TOLLIP: variants seen among roughly 807,000 people sequenced by gnomAD.
TOLLIP encodes the protein toll-interacting protein.
In TOLLIP, 16 loss-of-function variants were observed where a neutral mutation model predicts 33.5. That is an observed-to-expected ratio of 0.48 (90% CI 0.32 to 0.72). TOLLIP has a LOEUF of 0.72. Among genes scored for constraint, TOLLIP ranks in the 30% least tolerant of loss-of-function variants. The probability of loss-of-function intolerance (pLI) is 0.03; values close to 1 mark genes in which losing one functional copy is unlikely to be tolerated. For synonymous variants in TOLLIP, 176 were observed against 163.7 expected (o/e 1.07, Z -0.57); for missense variants, 325 against 396.6 (o/e 0.82, Z 1.53).
intron 4 of TOLLIP, 71 bp downstream of exon 4, chr11:1,288,553 T>G (rs5743970): frequency 6.6e-7 from 1 of 1,504,730 alleles, no homozygotes; most frequent in African/African-American, 1.4e-5. Context: ...AGGGTGTCTG[T>G]GGGGCGGCAT....
At chr11:1,287,193 G>A (rs1306273455) in intron 4 of TOLLIP, among the ~76,000 whole-genome samples, 1 of 152,226 alleles carries the variant, frequency 6.6e-6, no homozygotes, top group African/African-American at 2.4e-5. Flanking sequence ...TGTCGTCTCT[G>A]AGTTCGAAAC....
chr11:1,295,732 C>T lies in TOLLIP; in HGVS notation c.96G>A (p.Gln32=), dbSNP rs756820124. ...LRITPTQQQR[Q]VQLDAQAAQQ... ...GGGCCGCCTGGGCGTCCAGCTGGAC[C>T]TGCCGCTGCTGCTGTGTGGGCGTGA... The change falls in exon 2 of 6, where the codon CAG becomes CAA. Residue 32 remains glutamine, a synonymous_variant. Coordinates refer to ENST00000317204, the MANE Select transcript of TOLLIP (RefSeq NM_019009.4). 1.7e-5 allele frequency: 27 copies of T among 1,609,784 alleles called. No individual in the cohort carries two copies. Among genetic ancestry groups the T allele is most frequent in the Non-Finnish European group, 2.0e-5 (24 of 1,178,442 alleles).
Position 1,290,041 on chromosome 11 carries a change from C to T in TOLLIP, c.366+186G>A, listed in dbSNP as rs959915576. ...TCCAAATGTAAGTATGTTCAAGGAGCTGGAAACAATCCCTTTTTCACATTC... is the reference window on the plus strand; with the variant it reads ...TCCAAATGTAAGTATGTTCAAGGAGTTGGAAACAATCCCTTTTTCACATTC... On this transcript the variant is annotated intron_variant, in intron 3 of 5. Coordinates refer to ENST00000317204, the MANE Select transcript of TOLLIP (RefSeq NM_019009.4). The surrounding 1 kb of genome is among the most constrained non-coding windows in gnomAD (Gnocchi z 4.9). The T allele has an allele frequency of 9.9e-6, 6 of 607,942 alleles. No individual in the cohort carries two copies. The highest frequency in any genetic ancestry group is 7.4e-5 in the African/African-American group (4 of 54,098). 37.7% of individuals were successfully genotyped at this position (607,942 alleles called of 1,614,324 possible).
chr11:1,307,424 G>A (rs1028427270), intron 1 of TOLLIP, among the ~76,000 whole-genome samples: 5 of 152,320 alleles, frequency 3.3e-5, no homozygotes, highest in South Asian at 2.1e-4. Flanking sequence ...GTGTAACAGC[G>A]CTGCACGCCG....
At position 1,300,573 on chromosome 11, in the gene TOLLIP, C is replaced by T. The variant is rs115437483; in HGVS notation, c.34-4779G>A. The stretch of plus-strand genomic sequence containing the variant: ...ACTGTGAATATTCCTGTTGGTGACA[C>T]GTCTCCAACGGAGAGAGCCGCTGCT... On this transcript the variant is annotated intron_variant, in intron 1 of 5. Transcript: ENST00000317204. 3.9e-3 allele frequency among the ~76,000 whole-genome samples: 593 copies of T among 152,352 alleles called. 5 individuals carry two copies. The highest frequency in any genetic ancestry group is 0.013 in the African/African-American group (560 of 41,580).
In TOLLIP at chr11:1,286,058, G is replaced by A. The variant is rs1398543909; in HGVS notation, c.554C>T (p.Pro185Leu). The A allele has an allele frequency of 1.2e-6, 2 of 1,600,316 alleles. No homozygotes were observed. The highest frequency in any genetic ancestry group is 1.7e-6 in the Non-Finnish European group (2 of 1,174,680). The change falls in exon 5 of 6, where the codon CCC becomes CTC. Residue 185 changes from proline to leucine, a missense_variant. Coordinates refer to ENST00000317204, the MANE Select transcript of TOLLIP (RefSeq NM_019009.4). ...LPAAMVMPPQPVVLMPTVYQQ... is the reference protein window; with the variant it reads ...LPAAMVMPPQLVVLMPTVYQQ... The stretch of plus-strand genomic sequence containing the variant: ...GTACACTGTTGGCATCAGGACCACG[G>A]GCTGGGGTGGCATCACCATGGCAGC...
intron 5 of TOLLIP, among the ~76,000 whole-genome samples, chr11:1,279,914 C>T (rs1863439124): frequency 6.6e-6 from 1 of 152,200 alleles, no homozygotes; most frequent in South Asian, 2.1e-4. Context: ...TCTCGCACCA[C>T]AGTGGAAAGA....
At chr11:1,302,385 C>A (rs1471551812) in intron 1 of TOLLIP, among the ~76,000 whole-genome samples, 1 of 152,252 alleles carries the variant, frequency 6.6e-6, no homozygotes, top group Non-Finnish European at 1.5e-5. Context: ...CAGGCCTGCA[C>A]ACTCACGGCC....
intron 1 of TOLLIP, among the ~76,000 whole-genome samples, chr11:1,298,778 T>C (rs1043873197): frequency 6.6e-6 from 1 of 151,784 alleles, no homozygotes; most frequent in Non-Finnish European, 1.5e-5. Context: ...GCGGGGCAGG[T>C]GCGCGTCCAG....
intron 1 of TOLLIP, among the ~76,000 whole-genome samples, chr11:1,308,833 G>GT (rs2133938970): frequency 6.6e-6 from 1 of 152,270 alleles, no homozygotes; most frequent in African/African-American, 2.4e-5. Context: ...TAGAGTGCAG[G>GT]CCCGCCTCCA....
chr11:1,286,372 G>A (rs1863693330), intron 4 of TOLLIP, among the ~76,000 whole-genome samples: 1 of 152,210 alleles, frequency 6.6e-6, no homozygotes, highest in Non-Finnish European at 1.5e-5. Flanking sequence ...GGTGACAGGA[G>A]GGACATCCCA....
chr11:1,309,419 C>A, intron 1 of TOLLIP, 47 bp downstream of exon 1: 2 of 1,185,542 alleles, frequency 1.7e-6, no homozygotes, highest in South Asian at 2.7e-5. Context: ...GCCCCGCCCG[C>A]AACCGCAGGT....
At chr11:1,300,533 A>G (rs891061605) in intron 1 of TOLLIP, among the ~76,000 whole-genome samples, 1 of 152,252 alleles carries the variant, frequency 6.6e-6, no homozygotes, top group African/African-American at 2.4e-5. Flanking sequence ...TTTTAAGCAC[A>G]CAAATTAAAC....
intron 3 of TOLLIP, among the ~76,000 whole-genome samples, chr11:1,289,353 G>A (rs994283796): frequency 3.3e-5 from 5 of 152,184 alleles, no homozygotes; most frequent in East Asian, 3.8e-4. Flanking sequence ...ACTGCTCCCC[G>A]GCCCCCACCC....
At position 1,303,724 on chromosome 11, in the gene TOLLIP, G is replaced by A. The variant is rs904440760; in HGVS notation, c.33+5742C>T. Reference sequence around the variant, plus strand: ...GGCCTGTCGGGCAGGTCAAGGGACAGTGTTAGAGGCCCAGATGAACAGAGG... The same window carrying A: ...GGCCTGTCGGGCAGGTCAAGGGACAATGTTAGAGGCCCAGATGAACAGAGG... On this transcript the variant is annotated intron_variant, in intron 1 of 5. Coordinates refer to ENST00000317204, the MANE Select transcript of TOLLIP (RefSeq NM_019009.4). This position sits in a 1 kb window ranked among gnomAD's most constrained non-coding sequence, Gnocchi z 4.2. Among the ~76,000 whole-genome samples, 22 of 152,234 alleles carry A rather than the reference G, an allele frequency of 1.4e-4. No individual in the cohort carries two copies. The highest frequency in any genetic ancestry group is 5.3e-4 in the African/African-American group (22 of 41,462).
Position 1,286,088 on chromosome 11 carries a change from A to G in TOLLIP, c.524T>C (p.Leu175Pro). 6.3e-7 allele frequency: 1 copy of G among 1,595,314 alleles called. No individual in the cohort carries two copies. The highest frequency in any genetic ancestry group is 8.5e-7 in the Non-Finnish European group (1 of 1,172,218). ...GGGTGGCATCACCATGGCAGCTGGA[A>G]GCAGCTGAAACACAGCGGAGATGGT... ...MINLVMSYALLPAAMVMPPQP... is the reference protein window; with the variant it reads ...MINLVMSYALPPAAMVMPPQP... Residue 175 changes from leucine (L) to proline (P), a missense_variant, in exon 5 of 6, where the codon CTT (leucine) becomes CCT (proline). By Grantham distance (98) the Leu-to-Pro change is moderately conservative. Coordinates refer to ENST00000317204, the MANE Select transcript of TOLLIP (RefSeq NM_019009.4).
At chr11:1,308,450 G>A (rs1488748060) in intron 1 of TOLLIP, among the ~76,000 whole-genome samples, 4 of 152,204 alleles carry the variant, frequency 2.6e-5, no homozygotes, top group Admixed American at 1.3e-4. Context: ...CTGCAGAACC[G>A]GGAGCCAATT....
intron 5 of TOLLIP, among the ~76,000 whole-genome samples, chr11:1,280,324 G>A (rs994946258): frequency 2.6e-5 from 4 of 152,188 alleles, no homozygotes; most frequent in African/African-American, 7.2e-5. Context: ...GTGCCACCGC[G>A]TGCACGTTCT....
intron 1 of TOLLIP, chr11:1,306,088 T>C (rs1864415677): frequency 6.6e-6 from 1 of 152,194 alleles, no homozygotes; most frequent in African/African-American, 2.4e-5. Context: ...TTTCTGATAA[T>C]ATGCAGACTA....
Sources: gnomAD v4.1 joint callset for allele counts (sites outside exome capture counted in the v4.1 genomes callset) on GRCh38, gnomAD v4.1.1 for gene constraint, Gnocchi (gnomAD v3.1) non-coding constraint, MANE v1.5 for transcripts, NCBI Gene and HGNC (gene_info 2026-07-23, HGNC 2026-07-21) for gene names.